TOP2B: variants seen among roughly 807,000 people sequenced by gnomAD.
TOP2B encodes the protein DNA topoisomerase 2-beta.
A neutral mutation model predicts 193.5 loss-of-function variants in TOP2B; 51 were observed. The ratio of observed to expected loss-of-function variants is 0.26; its 90% confidence interval spans 0.21 to 0.33. The LOEUF (loss-of-function observed/expected upper bound fraction) is 0.33, where lower values mean the gene tolerates loss of function less well. Ranked by LOEUF, TOP2B falls within the 10% of genes least tolerant of loss-of-function variation. The pLI, the probability that TOP2B is intolerant of heterozygous loss-of-function variation, is 1.00. For missense variants in TOP2B, 1,378 were observed against 1,909.3 expected, an observed-to-expected ratio of 0.72 and a Z score of 5.19; for synonymous variants, 634 against 635.7, an observed-to-expected ratio of 1.00 and a Z score of 0.04.
intron 7 of TOP2B, among the ~76,000 whole-genome samples, chr3:25,634,774 T>A (rs1189849687): frequency 1.0e-5 from 1 of 99,924 alleles, no homozygotes; most frequent in Admixed American, 1.1e-4. Flanking sequence ...TCTATCTCCC[T>A]TACCAAAAAA....
At chr3:25,624,165 T>C in intron 20 of TOP2B, 132 bp downstream of exon 20, 2 of 1,100,460 alleles carry the variant, frequency 1.8e-6, no homozygotes, top group Non-Finnish European at 2.6e-6. Flanking sequence ...GGTCAAATAA[T>C]TTGGAACATT....
intron 1 of TOP2B, among the ~76,000 whole-genome samples, chr3:25,646,573 G>A (rs924701752): frequency 6.6e-6 from 1 of 152,170 alleles, no homozygotes; most frequent in Non-Finnish European, 1.5e-5. Flanking sequence ...AAGATATTGT[G>A]ATGGCCTATC....
At chr3:25,649,820 G>C (rs899028666) in intron 1 of TOP2B, among the ~76,000 whole-genome samples, 39 of 151,696 alleles carry the variant, frequency 2.6e-4, no homozygotes, top group Non-Finnish European at 2.9e-5. Flanking sequence ...ATAACTCCCT[G>C]GTAAAGTCCA....
At chr3:25,663,249 CGAACTAAG>C (rs970733730) in intron 1 of TOP2B, among the ~76,000 whole-genome samples, 2 of 152,060 alleles carry the variant, frequency 1.3e-5, no homozygotes, top group African/African-American at 4.8e-5. Flanking sequence ...AAAGAGAAAA[CGAACTAAG>C]TAACAAAAAT....
chr3:25,606,371 T>A (rs1702237942), intron 31 of TOP2B, among the ~76,000 whole-genome samples: 1 of 152,096 alleles, frequency 6.6e-6, no homozygotes, highest in South Asian at 2.1e-4. Flanking sequence ...ACAAATCAAT[T>A]ATTTAATATA....
intron 33 of TOP2B, 141 bp downstream of exon 33, chr3:25,604,619 C>G: frequency 1.6e-6 from 1 of 627,986 alleles, no homozygotes; most frequent in East Asian, 3.2e-5. Context: ...GGCTAGAAAA[C>G]GAGAGGTTCT....
intron 20 of TOP2B, 68 bp from the exon 21 acceptor site, chr3:25,623,814 T>C: frequency 1.0e-6 from 1 of 999,480 alleles, no homozygotes; most frequent in Non-Finnish European, 1.5e-6. Context: ...TTATACATAA[T>C]TAAAAACTTC....
rs890637736 is a variant in TOP2B, at chr3:25,598,493, A to ATAGAT, written c.4711-21_4711-17dup. The ATAGAT allele has an allele frequency of 1.3e-5, 21 of 1,556,894 alleles. No individual in the cohort carries two copies. Among genetic ancestry groups the ATAGAT allele is most frequent in the Middle Eastern group, 1.7e-4 (1 of 5,882 alleles). ...TCTTCGGTTTCTAGATTTTTTTTCA[A>ATAGAT]TAGATTTAAAAGTTATGAAAGGAAG... On this transcript the variant is annotated splice_polypyrimidine_tract_variant and intron_variant, in intron 35 of 35. Coordinates refer to ENST00000264331, the MANE Select transcript of TOP2B (RefSeq NM_001330700.2).
intron 34 of TOP2B, among the ~76,000 whole-genome samples, chr3:25,600,872 C>A (rs952185007): frequency 1.3e-5 from 2 of 152,202 alleles, no homozygotes; most frequent in African/African-American, 4.8e-5. Flanking sequence ...TCTTATTTAA[C>A]CTCTTTGAGC....
At chr3:25,649,557 A>G (rs1332641135) in intron 1 of TOP2B, among the ~76,000 whole-genome samples, 6 of 151,958 alleles carry the variant, frequency 3.9e-5, no homozygotes, top group Admixed American at 3.3e-4. Flanking sequence ...ATTTCTCAGC[A>G]GAAACCTTGC....
At chr3:25,622,058 A>G (rs1427400549) in intron 21 of TOP2B, among the ~76,000 whole-genome samples, 5 of 152,166 alleles carry the variant, frequency 3.3e-5, no homozygotes, top group Admixed American at 6.5e-5. Flanking sequence ...ATACCAAGCA[A>G]CTATCAATAT....
rs1702190286 is a variant in TOP2B, at chr3:25,604,661, T to C, written c.4489+99A>G. 4 of 1,004,578 alleles carry C rather than the reference T, an allele frequency of 4.0e-6. No individual in the cohort carries two copies. The East Asian group carries it at 1.0e-4, about 26-fold the overall frequency. 62.2% of individuals were successfully genotyped at this position (1,004,578 alleles called of 1,614,324 possible). ...AAGCACTTATACTTCTTAATTGTTT[T>C]ATGATAAAAAAATGCAAATAGTTTC... On this transcript the variant is annotated intron_variant, in intron 33 of 35. Coordinates refer to ENST00000264331, the MANE Select transcript of TOP2B (RefSeq NM_001330700.2).
rs552969042 is a variant in TOP2B, at chr3:25,664,750, A to G, written c.-453T>C. 44 of 988,294 alleles carry G rather than the reference A, an allele frequency of 4.5e-5. No individual in the cohort carries two copies. The Admixed American group carries it at 1.3e-3, about 29-fold the overall frequency. The allele number at this position is 988,294 out of a possible 1,614,324, so 61.2% of individuals were successfully genotyped here. A position where few individuals can be genotyped will look rare whatever the true frequency, so the allele number is the denominator to read the frequency against. ...GAAGGCCAGCCACTCGAGTCGCCAG[A>G]GTAGTCGTCCCGGTCGCCGCCGCTG... On this transcript the variant is annotated 5_prime_UTR_variant, in exon 1 of 36. Coordinates refer to ENST00000264331, the MANE Select transcript of TOP2B (RefSeq NM_001330700.2).
chr3:25,616,370 A>G (rs770058208), intron 25 of TOP2B, among the ~76,000 whole-genome samples: 1 of 151,130 alleles, frequency 6.6e-6, no homozygotes, highest in East Asian at 1.9e-4. Flanking sequence ...GTTAACCATG[A>G]CACTCCATAA....
rs767046447 is a variant in TOP2B at position 25,601,143 on chromosome 3, C to T, written c.4572G>A (p.Ser1524=). ...KKVVEAVNSD[S]DSEFGIPKKT... ...TCTTTGGAATGCCAAATTCTGAATCCGAGTCAGAGTTTACAGCCTCTACTA... is the reference window on the plus strand; with the variant it reads ...TCTTTGGAATGCCAAATTCTGAATCTGAGTCAGAGTTTACAGCCTCTACTA... Residue 1524 remains serine (S), a synonymous_variant, in exon 34 of 36, where the codon TCG becomes TCA. Coordinates refer to ENST00000264331, the MANE Select transcript of TOP2B (RefSeq NM_001330700.2). The T allele has an allele frequency of 1.2e-5, 20 of 1,613,582 alleles. 1 individual carries two copies. The highest frequency in any genetic ancestry group is 6.7e-5 in the African/African-American group (5 of 74,994).
At chr3:25,624,615 T>C (rs1702746305) in intron 19 of TOP2B, 67 bp downstream of exon 19, 1 of 1,583,566 alleles carries the variant, frequency 6.3e-7, no homozygotes, top group East Asian at 2.2e-5. Flanking sequence ...GGAAAAATAC[T>C]ATGTGTAATT....
intron 1 of TOP2B, among the ~76,000 whole-genome samples, chr3:25,649,072 A>T (rs1457728903): frequency 6.6e-6 from 1 of 152,246 alleles, no homozygotes; most frequent in Non-Finnish European, 1.5e-5. Context: ...TTATTTCTGG[A>T]ACTGAAGCAT....
At chr3:25,635,848 C>A in intron 7 of TOP2B, 88 bp downstream of exon 7, 1 of 1,054,834 alleles carries the variant, frequency 9.5e-7, no homozygotes, top group Non-Finnish European at 1.4e-6. Context: ...GTAAAAGAGA[C>A]TACCAGATGA....
intron 1 of TOP2B, among the ~76,000 whole-genome samples, chr3:25,662,338 T>C (rs1559513120): frequency 6.6e-6 from 1 of 152,196 alleles, no homozygotes; most frequent in Non-Finnish European, 1.5e-5. Context: ...AACCAGTCTA[T>C]ATGATCAATG....
Sources: gnomAD v4.1 joint callset for allele counts (sites outside exome capture counted in the v4.1 genomes callset) on GRCh38, gnomAD v4.1.1 for gene constraint, MANE v1.5 for transcripts, NCBI Gene and HGNC (gene_info 2026-07-23, HGNC 2026-07-21) for gene names.